Variants in RUVBL1 observed in about 807,000 individuals in gnomAD.
RUVBL1 encodes the protein ruvB-like 1.
In RUVBL1, 4 loss-of-function variants were observed where a neutral mutation model predicts 52.4. That is an observed-to-expected ratio of 0.08 (90% CI 0.04 to 0.17). The LOEUF (loss-of-function observed/expected upper bound fraction) is 0.17. Ranked by LOEUF, RUVBL1 falls within the 10% of genes least tolerant of loss-of-function variation. The pLI, the probability that RUVBL1 is intolerant of heterozygous loss-of-function variation, is 1.00. For missense variants in RUVBL1, 298 were observed against 572.8 expected, an observed-to-expected ratio of 0.52 and a Z score of 4.90; for synonymous variants, 217 against 214.4, an observed-to-expected ratio of 1.01 and a Z score of -0.10.
chr3:128,092,741 T>C (rs918904752), intron 8 of RUVBL1, among the ~76,000 whole-genome samples: 1 of 152,238 alleles, frequency 6.6e-6, no homozygotes, highest in Non-Finnish European at 1.5e-5. Flanking sequence ...CTTCGTCCAT[T>C]GCTGGTAGGA....
chr3:128,120,449 TAC>T (rs1239317558), intron 1 of RUVBL1, among the ~76,000 whole-genome samples: 1 of 152,154 alleles, frequency 6.6e-6, no homozygotes, highest in Non-Finnish European at 1.5e-5. Context: ...TGTGTATATA[TAC>T]ACACACATAT....
Position 128,081,147 on chromosome 3 carries a change from C to G in RUVBL1, c.*103G>C, listed in dbSNP as rs887477871. Reference sequence around the variant, plus strand: ...GAACTGACAGCGCTGCAGACCACGCCTGAGTGGGGACGGCAGCCCCAAGCC... The same window carrying G: ...GAACTGACAGCGCTGCAGACCACGCGTGAGTGGGGACGGCAGCCCCAAGCC... On this transcript the variant is annotated 3_prime_UTR_variant, in exon 11 of 11. Coordinates refer to ENST00000322623, the MANE Select transcript of RUVBL1 (RefSeq NM_003707.3). This position sits in a 1 kb window ranked among gnomAD's most constrained non-coding sequence, Gnocchi z 4.8. 7.4e-6 allele frequency: 9 copies of G among 1,215,374 alleles called. No homozygotes were observed. Among genetic ancestry groups the G allele is most frequent in the Non-Finnish European group, 9.4e-6 (8 of 854,670 alleles). The allele number at this position is 1,215,374 out of a possible 1,614,324, so 75.3% of individuals were successfully genotyped here.
intron 1 of RUVBL1, among the ~76,000 whole-genome samples, chr3:128,131,834 G>A (rs1019916803): frequency 1.3e-5 from 2 of 152,232 alleles, no homozygotes; most frequent in African/African-American, 4.8e-5. Context: ...GGCGGAGCAA[G>A]ATGGCCAAAT....
chr3:128,089,211 C>A (rs1942751798), intron 8 of RUVBL1, among the ~76,000 whole-genome samples: 1 of 152,152 alleles, frequency 6.6e-6, no homozygotes, highest in Non-Finnish European at 1.5e-5. Context: ...GCCTATTTTT[C>A]TCTTGAACCC....
At chr3:128,076,180 A>G (rs1199797639), downstream of RUVBL1, 1 of 152,328 alleles carries the variant, frequency 6.6e-6, no homozygotes, top group Admixed American at 6.5e-5. This position sits in a 1 kb window ranked among gnomAD's most constrained non-coding sequence, Gnocchi z 6.8. Context: ...CCTCAGAGGC[A>G]GGTCGCTTCG....
In RUVBL1 at chr3:128,151,404, T is replaced by G. The variant is rs374216455; in HGVS notation, c.-40+1799A>C. Among the ~76,000 whole-genome samples, 88 of 151,682 alleles carry G rather than the reference T, an allele frequency of 5.8e-4. 2 individuals are homozygous for G. In the South Asian group the frequency reaches 0.018, roughly 31 times the overall value. On this transcript the variant is annotated intron_variant, in intron 1 of 9. Coordinates refer to the RUVBL1 transcript ENST00000464873. ...TTCATTACCATTTCAGGATTCTGTTTAAAACAGAGGTAAGAAATGAGGTTT... is the reference window on the plus strand; with the variant it reads ...TTCATTACCATTTCAGGATTCTGTTGAAAACAGAGGTAAGAAATGAGGTTT...
In RUVBL1 at chr3:128,082,364, G is replaced by T; in HGVS notation, c.1211+119C>A. 2 of 736,328 alleles carry T rather than the reference G, an allele frequency of 2.7e-6. No homozygotes were observed. The highest frequency in any genetic ancestry group is 2.5e-5 in the East Asian group (1 of 39,564). 45.6% of individuals were successfully genotyped at this position (736,328 alleles called of 1,614,324 possible). A position where few individuals can be genotyped will look rare whatever the true frequency, so the allele number is the denominator to read the frequency against. On this transcript the variant is annotated intron_variant, in intron 10 of 10. Coordinates refer to ENST00000322623, the MANE Select transcript of RUVBL1 (RefSeq NM_003707.3). This position sits in a 1 kb window ranked among gnomAD's most constrained non-coding sequence, Gnocchi z 4.7. Reference sequence around the variant, plus strand: ...GCCCTGGCACCCATCGCGCCAGGAAGAGCGGATGGATAGAGTCCCATGCCC... The same window carrying T: ...GCCCTGGCACCCATCGCGCCAGGAATAGCGGATGGATAGAGTCCCATGCCC...
At position 128,097,590 on chromosome 3, in the gene RUVBL1, T is replaced by A. The variant is rs34228187; in HGVS notation, c.818-92A>T. The A allele has an allele frequency of 2.6e-6, 3 of 1,137,236 alleles. No homozygotes were observed. In the Admixed American group the frequency reaches 5.5e-5, roughly 21 times the overall value. 70.4% of individuals were successfully genotyped at this position (1,137,236 alleles called of 1,614,324 possible). On this transcript the variant is annotated intron_variant, in intron 7 of 10. Transcript: ENST00000322623. ...TCCACCTGAATTCAATCCAAACCCA[T>A]GCTAGGAGCCTAGTTTTCCTACTAG...
chr3:128,124,840 G>A (rs986554875), upstream of RUVBL1, among the ~76,000 whole-genome samples: 1 of 152,046 alleles, frequency 6.6e-6, no homozygotes, highest in Admixed American at 6.6e-5. Flanking sequence ...CAACAAATAG[G>A]AGAGATTTCC....
At chr3:128,130,713 C>T (rs1035748290) in intron 1 of RUVBL1, among the ~76,000 whole-genome samples, 9 of 151,406 alleles carry the variant, frequency 5.9e-5, no homozygotes, top group East Asian at 1.9e-4. Context: ...TGCAGTGGCG[C>T]GATCTCGGCT....
chr3:128,100,783 C>T, intron 5 of RUVBL1, 39 bp from the exon 6 acceptor site: 1 of 1,612,890 alleles, frequency 6.2e-7, no homozygotes, highest in South Asian at 1.1e-5. Context: ...GGTAAGTTTT[C>T]ACTGCCAAGT....
chr3:128,097,265 A>T (rs748072971), intron 8 of RUVBL1, 35 bp downstream of exon 8: 9 of 1,594,116 alleles, frequency 5.6e-6, no homozygotes, highest in Admixed American at 1.7e-5. Context: ...GATGGAAGTT[A>T]AAAAAGCCTT....
chr3:128,150,805 TTC>T, intron 1 of RUVBL1, among the ~76,000 whole-genome samples: 2 of 103,162 alleles, frequency 1.9e-5, no homozygotes, highest in African/African-American at 4.0e-5. Flanking sequence ...ATATTATATA[TTC>T]TATATATTAT....
chr3:128,109,080 T>C (rs984786087), intron 3 of RUVBL1, among the ~76,000 whole-genome samples: 2 of 152,142 alleles, frequency 1.3e-5, no homozygotes, highest in African/African-American at 4.8e-5. Context: ...CCCACACAAT[T>C]ATGGCACATT....
rs1942461246 is a variant in RUVBL1 at position 128,081,131 on chromosome 3, G to A, written c.*119C>T. 7 of 942,998 alleles carry A rather than the reference G, an allele frequency of 7.4e-6. No individual in the cohort carries two copies. The highest frequency in any genetic ancestry group is 1.1e-5 in the Non-Finnish European group (7 of 622,870). 58.4% of individuals were successfully genotyped at this position (942,998 alleles called of 1,614,324 possible). ...AAATGCTTTCCACACTGAACTGACA[G>A]CGCTGCAGACCACGCCTGAGTGGGG... On this transcript the variant is annotated 3_prime_UTR_variant, in exon 11 of 11. Transcript: ENST00000322623. The surrounding 1 kb of genome is among the most constrained non-coding windows in gnomAD (Gnocchi z 4.8).
intron 9 of RUVBL1, chr3:128,085,153 G>A (rs1942607071): frequency 6.6e-6 from 1 of 152,254 alleles, no homozygotes; most frequent in Non-Finnish European, 1.5e-5. Context: ...ACAAAGCTAT[G>A]AATACAGTAA....
At chr3:128,066,052 A>T (rs1455695636) in intron 9 of RUVBL1, among the ~76,000 whole-genome samples, 1 of 152,030 alleles carries the variant, frequency 6.6e-6, no homozygotes, top group Non-Finnish European at 1.5e-5. Flanking sequence ...TTAAGTATTT[A>T]ATTTTTAAAT....
chr3:128,147,670 T>C (rs1944125079), intron 1 of RUVBL1, among the ~76,000 whole-genome samples: 1 of 152,228 alleles, frequency 6.6e-6, no homozygotes, highest in Admixed American at 6.5e-5. Context: ...TGTAAAATGA[T>C]ACAGCCACTC....
rs146298471 is a variant in RUVBL1, at chr3:128,136,494, C to T, written c.-40+16709G>A. Among the ~76,000 whole-genome samples the T allele has an allele frequency of 1.5e-3, 235 of 151,988 alleles. 1 individual carries two copies. Among genetic ancestry groups the T allele is most frequent in the African/African-American group, 5.5e-3 (229 of 41,464 alleles). On this transcript the variant is annotated intron_variant, in intron 1 of 9. Coordinates refer to the RUVBL1 transcript ENST00000464873. ...TACAAAAATTTGCCGGGCATGGTGG[C>T]ATGCACCTGTAGTCCCAGTCACTTG...
Sources: allele counts gnomAD v4.1 joint callset (sites outside exome capture counted in the v4.1 genomes callset), GRCh38; gene constraint gnomAD v4.1.1; non-coding constraint Gnocchi (gnomAD v3.1); transcripts MANE v1.5; gene names NCBI Gene and HGNC (gene_info 2026-07-23, HGNC 2026-07-21).